Variants in ARHGAP42 observed in about 807,000 individuals in gnomAD.
ARHGAP42 encodes the protein rho GTPase-activating protein 42.
Under a neutral mutation model 125.0 loss-of-function variants are expected in ARHGAP42, and 63 were observed. That is an observed-to-expected ratio of 0.50 (90% confidence interval 0.41 to 0.62). ARHGAP42 has a LOEUF of 0.62. Among genes scored for constraint, ARHGAP42 ranks in the 20% least tolerant of loss-of-function variants. The pLI, the probability that ARHGAP42 is intolerant of heterozygous loss-of-function variation, is 0.00. For synonymous variants in ARHGAP42, 339 were observed against 351.0 expected, an observed-to-expected ratio of 0.97 and a Z score of 0.38; for missense variants, 766 against 1,024.2, an observed-to-expected ratio of 0.75 and a Z score of 3.44.
intron 3 of ARHGAP42, among the ~76,000 whole-genome samples, chr11:100,835,705 C>T (rs1864770200): frequency 6.6e-6 from 1 of 151,972 alleles, no homozygotes; most frequent in African/African-American, 2.4e-5. Flanking sequence ...TTGCCATACA[C>T]TTTTTTTCAT....
intron 4 of ARHGAP42, among the ~76,000 whole-genome samples, chr11:100,881,482 C>T (rs527300054): frequency 6.6e-6 from 1 of 152,234 alleles, no homozygotes; most frequent in Non-Finnish European, 1.5e-5. Flanking sequence ...TGACTATGGC[C>T]TTACAGTATA....
At chr11:100,974,257 T>C (rs936816253) in intron 18 of ARHGAP42, among the ~76,000 whole-genome samples, 12 of 152,210 alleles carry the variant, frequency 7.9e-5, no homozygotes, top group African/African-American at 2.4e-4. Flanking sequence ...AAAGATCTTC[T>C]AGATTTTACT....
In ARHGAP42 at chr11:100,799,596, A is replaced by C. The variant is rs1863803569; in HGVS notation, c.312+4430A>C. ...AAAGAGAGGTTAGAGAGATGTGAAA[A>C]TTAAGAATTAGAAGAGTAATGGAGC... On this transcript the variant is annotated intron_variant, in intron 3 of 23. Transcript: ENST00000298815. 5.3e-5 allele frequency among the ~76,000 whole-genome samples: 8 copies of C among 152,304 alleles called. No individual in the cohort carries two copies. The South Asian group carries it at 1.7e-3, about 32-fold the overall frequency.
In ARHGAP42 at chr11:100,779,173, G is replaced by A. The variant is rs1863205224; in HGVS notation, c.250+8735G>A. On this transcript the variant is annotated intron_variant, in intron 2 of 23. Coordinates refer to ENST00000298815, the MANE Select transcript of ARHGAP42 (RefSeq NM_152432.4). ...ACAATAATATATATACTGGCTGGGTGCAGTGGCTCACGCCTGTAATCCCAG... is the reference window on the plus strand; with the variant it reads ...ACAATAATATATATACTGGCTGGGTACAGTGGCTCACGCCTGTAATCCCAG... Among the ~76,000 whole-genome samples, 3 of 151,944 alleles carry A rather than the reference G, an allele frequency of 2.0e-5. No individual in the cohort carries two copies. The South Asian group carries it at 6.2e-4, about 32-fold the overall frequency.
At chr11:100,859,475 T>C (rs1340741476) in intron 3 of ARHGAP42, 79 bp from the exon 4 acceptor site, 20 of 1,210,836 alleles carry the variant, frequency 1.7e-5, no homozygotes, top group Admixed American at 2.6e-5. Flanking sequence ...ATTTGATACA[T>C]TGGATAAAGT....
Position 100,961,675 on chromosome 11 carries a change from T to C in ARHGAP42, c.1301-9T>C, listed in dbSNP as rs766651446. On this transcript the variant is annotated splice_polypyrimidine_tract_variant and intron_variant, in intron 14 of 23. Transcript: ENST00000298815. The stretch of plus-strand genomic sequence containing the variant: ...GCACAATTTAAACACCTTGTTTTAT[T>C]CTTTCCAGCTCCTAAATCCCCTCCT... 1.9e-5 allele frequency: 30 copies of C among 1,550,194 alleles called. No homozygotes were observed. In the African/African-American group the frequency reaches 3.7e-4, roughly 19 times the overall value.
intron 22 of ARHGAP42, among the ~76,000 whole-genome samples, chr11:100,983,823 G>C (rs1344529100): frequency 1.3e-5 from 2 of 152,166 alleles, no homozygotes; most frequent in African/African-American, 4.8e-5. Context: ...TCTTTGAAAA[G>C]AACATGTAAT....
chr11:100,942,200 A>G (rs1273723412), intron 9 of ARHGAP42, among the ~76,000 whole-genome samples: 3 of 152,266 alleles, frequency 2.0e-5, no homozygotes, highest in African/African-American at 7.2e-5. Context: ...CTAGCAGCCC[A>G]GGAAGGGACT....
intron 1 of ARHGAP42, among the ~76,000 whole-genome samples, chr11:100,741,798 TAATCTGAAA>T (rs1191949165): frequency 1.3e-5 from 2 of 152,218 alleles, no homozygotes; most frequent in African/African-American, 4.8e-5. Context: ...GTATTTATTT[TAATCTGAAA>T]ATTGTTATTT....
At chr11:100,918,060 A>C (rs1166447457) in intron 5 of ARHGAP42, among the ~76,000 whole-genome samples, 1 of 152,120 alleles carries the variant, frequency 6.6e-6, no homozygotes, top group African/African-American at 2.4e-5. Flanking sequence ...CTTCATGTTA[A>C]TCTTGAATGT....
intron 1 of ARHGAP42, among the ~76,000 whole-genome samples, chr11:100,753,325 A>T (rs1382430935): frequency 6.6e-6 from 1 of 152,152 alleles, no homozygotes; most frequent in African/African-American, 2.4e-5. Context: ...TGCAGTGTTC[A>T]CTAGCAGCAG....
At position 100,782,792 on chromosome 11, in the gene ARHGAP42, G is replaced by A. The variant is rs599222; in HGVS notation, c.251-12313G>A. 8.4e-3 allele frequency among the ~76,000 whole-genome samples: 1,282 copies of A among 152,136 alleles called. 17 individuals carry two copies. The highest frequency in any genetic ancestry group is 0.029 in the African/African-American group (1,187 of 41,510). On this transcript the variant is annotated intron_variant, in intron 2 of 23. Transcript: ENST00000298815. ...GTGTCATGCTTGATTTTTGGGACTC[G>A]GAAATAACATCTCAGTGCTGAGGGT...
At chr11:100,719,896 C>T (rs1309309279) in intron 1 of ARHGAP42, among the ~76,000 whole-genome samples, 1 of 152,216 alleles carries the variant, frequency 6.6e-6, no homozygotes, top group Non-Finnish European at 1.5e-5. Flanking sequence ...TTTACTACTT[C>T]TGTATCCTAG....
In ARHGAP42 at chr11:100,992,922, A is replaced by G; in HGVS notation, c.*4121A>G. The G allele has an allele frequency of 2.0e-6, 1 of 504,534 alleles. No homozygotes were observed. Among genetic ancestry groups the G allele is most frequent in the Non-Finnish European group, 3.5e-6 (1 of 282,890 alleles). 31.3% of individuals were successfully genotyped at this position (504,534 alleles called of 1,614,324 possible). ...CTTTTCCCCTTGGCACTCATGAGAG[A>G]GATGCCAAGTTCAGTGTGGATTTTT... On this transcript the variant is annotated 3_prime_UTR_variant, in exon 24 of 24. Coordinates refer to ENST00000298815, the MANE Select transcript of ARHGAP42 (RefSeq NM_152432.4).
rs1864584352 is a variant in ARHGAP42 at position 100,828,584 on chromosome 11, G to A, written c.313-30970G>A. On this transcript the variant is annotated intron_variant, in intron 3 of 23. Coordinates refer to ENST00000298815, the MANE Select transcript of ARHGAP42 (RefSeq NM_152432.4). ...AATAGGCATGCATCAGGGTATCAGA[G>A]CTGCCTAGACAGACCTGCAGAACTC... Among the ~76,000 whole-genome samples the A allele has an allele frequency of 2.0e-5, 3 of 152,230 alleles. No individual in the cohort carries two copies. The South Asian group carries it at 6.2e-4, about 32-fold the overall frequency.
At chr11:100,864,251 C>T (rs1214698297) in intron 4 of ARHGAP42, among the ~76,000 whole-genome samples, 1 of 151,172 alleles carries the variant, frequency 6.6e-6, no homozygotes, top group Non-Finnish European at 1.5e-5. Context: ...GTAGCGCAAT[C>T]TCGGCTCACT....
chr11:100,810,863 C>CT (rs1565224101), intron 3 of ARHGAP42, among the ~76,000 whole-genome samples: 1 of 152,010 alleles, frequency 6.6e-6, no homozygotes, highest in Non-Finnish European at 1.5e-5. Context: ...ACTTTGTTTT[C>CT]TTTTTTTATA....
intron 1 of ARHGAP42, among the ~76,000 whole-genome samples, chr11:100,757,715 A>T (rs1862608549): frequency 1.3e-5 from 2 of 152,208 alleles, no homozygotes; most frequent in African/African-American, 4.8e-5. Context: ...AGAAAAATGA[A>T]GTCTGTAAAC....
rs1156436097 is a variant in ARHGAP42, at chr11:100,871,573, A to G, written c.384+11948A>G. Reference sequence around the variant, plus strand: ...AAAAAAAAAAAAAAGAAAAAAGAAAAAAAGCCTGTTTCCAGTATAAAAATT... The same window carrying G: ...AAAAAAAAAAAAAAGAAAAAAGAAAGAAAGCCTGTTTCCAGTATAAAAATT... On this transcript the variant is annotated intron_variant, in intron 4 of 23. Transcript: ENST00000298815. Among the ~76,000 whole-genome samples the G allele has an allele frequency of 2.0e-5, 3 of 151,778 alleles. No individual in the cohort carries two copies. The East Asian group carries it at 5.8e-4, about 29-fold the overall frequency.
Sources: allele counts gnomAD v4.1 joint callset (sites outside exome capture counted in the v4.1 genomes callset), GRCh38; gene constraint gnomAD v4.1.1; transcripts MANE v1.5; gene names NCBI Gene and HGNC (gene_info 2026-07-23, HGNC 2026-07-21).